Variants in CELF4 observed in about 807,000 individuals in gnomAD.
The protein encoded by CELF4 is CUGBP Elav-like family member 4.
A neutral mutation model predicts 59.9 loss-of-function variants in CELF4; 18 were observed. The ratio of observed to expected loss-of-function variants is 0.30; its 90% confidence interval spans 0.21 to 0.45. CELF4 has a LOEUF of 0.45. CELF4 is among the 20% of genes least tolerant of loss of function. The pLI, the probability that CELF4 is intolerant of heterozygous loss-of-function variation, is 1.00. For missense variants in CELF4, 456 were observed against 689.0 expected (o/e 0.66, Z 3.79); for synonymous variants, 261 against 267.1 (o/e 0.98, Z 0.22).
chr18:37,335,261 C>T (rs951436063), intron 2 of CELF4, among the ~76,000 whole-genome samples: 8 of 152,078 alleles, frequency 5.3e-5, no homozygotes, highest in African/African-American at 1.9e-4. Flanking sequence ...CCAGGGTCTC[C>T]AGGTCACGGG....
At chr18:37,442,792 C>G (rs918997552) in intron 2 of CELF4, among the ~76,000 whole-genome samples, 2 of 152,208 alleles carry the variant, frequency 1.3e-5, no homozygotes, top group Admixed American at 6.5e-5. Flanking sequence ...AGACGTCTTA[C>G]GGAGGCGCCT....
intron 2 of CELF4, among the ~76,000 whole-genome samples, chr18:37,359,951 G>A (rs914641205): frequency 2.0e-5 from 3 of 151,944 alleles, no homozygotes; most frequent in Non-Finnish European, 4.4e-5. Flanking sequence ...CCCAGTTCAA[G>A]CAATTCCCCT....
At chr18:37,408,732 G>T (rs547230178) in intron 2 of CELF4, among the ~76,000 whole-genome samples, 1 of 152,264 alleles carries the variant, frequency 6.6e-6, no homozygotes, top group East Asian at 1.9e-4. Flanking sequence ...CTGGATTCAG[G>T]CTGGGGACAC....
Position 37,565,727 on chromosome 18 carries a change from G to T in CELF4, c.-86C>A, listed in dbSNP as rs1320719121. On this transcript the variant is annotated 5_prime_UTR_variant, in exon 1 of 13. Transcript: ENST00000420428. Reference sequence around the variant, plus strand: ...CTCGCTCGCGCTCACACACGCACACGCATACACACACTCGGGTTCTCTCCC... The same window carrying T: ...CTCGCTCGCGCTCACACACGCACACTCATACACACACTCGGGTTCTCTCCC... The T allele has an allele frequency of 2.6e-5, 29 of 1,125,956 alleles. No individual in the cohort carries two copies. Among genetic ancestry groups the T allele is most frequent in the Middle Eastern group, 5.2e-4 (2 of 3,838 alleles). The allele number at this position is 1,125,956 out of a possible 1,614,324, so 69.7% of individuals were successfully genotyped here. A position where few individuals can be genotyped will look rare whatever the true frequency, so the allele number is the denominator to read the frequency against.
chr18:37,468,168 T>G (rs944585695), intron 2 of CELF4, among the ~76,000 whole-genome samples: 9 of 152,350 alleles, frequency 5.9e-5, no homozygotes, highest in Non-Finnish European at 1.3e-4. Context: ...ACTCGGGCTG[T>G]CAGGGGGCCT....
chr18:37,381,995 G>A (rs1365832161), intron 2 of CELF4, among the ~76,000 whole-genome samples: 7 of 152,212 alleles, frequency 4.6e-5, no homozygotes, highest in Admixed American at 3.3e-4. Flanking sequence ...GGACTGGGAA[G>A]GTGGCCTGAA....
At chr18:37,250,538 G>A (rs972872734) in intron 12 of CELF4, among the ~76,000 whole-genome samples, 1 of 152,210 alleles carries the variant, frequency 6.6e-6, no homozygotes, top group African/African-American at 2.4e-5. Flanking sequence ...TCCCAGCTAT[G>A]GCTGGTCCCT....
rs538566760 is a variant in CELF4 at position 37,421,647 on chromosome 18, C to G, written c.369+63878G>C. Among the ~76,000 whole-genome samples the G allele has an allele frequency of 3.3e-5, 5 of 152,382 alleles. 1 individual carries two copies. Among genetic ancestry groups the G allele is most frequent in the African/African-American group, 1.2e-4 (5 of 41,596 alleles). On this transcript the variant is annotated intron_variant, in intron 2 of 12. Transcript: ENST00000420428. ...CTTTGGGGTACCTGTGGCCTGAGCA[C>G]ACAGTGGGGGCTCATGGGAGCCCAC...
intron 3 of CELF4, among the ~76,000 whole-genome samples, chr18:37,306,934 A>G (rs2096441030): frequency 6.6e-6 from 1 of 152,188 alleles, no homozygotes; most frequent in African/African-American, 2.4e-5. Context: ...GCATCGCTTC[A>G]TTTCTCAAAT....
chr18:37,559,974 T>C (rs1314817051), intron 1 of CELF4, among the ~76,000 whole-genome samples: 1 of 152,202 alleles, frequency 6.6e-6, no homozygotes, highest in Non-Finnish European at 1.5e-5. Context: ...CTTTGCGTTG[T>C]TTTATGGCTA....
chr18:37,473,076 C>G (rs539400284), intron 2 of CELF4, among the ~76,000 whole-genome samples: 1 of 152,258 alleles, frequency 6.6e-6, no homozygotes, highest in East Asian at 1.9e-4. Context: ...CTGGCAGAGG[C>G]TATGAGGGAG....
At chr18:37,435,015 T>C (rs950593606) in intron 2 of CELF4, among the ~76,000 whole-genome samples, 4 of 152,062 alleles carry the variant, frequency 2.6e-5, no homozygotes, top group Admixed American at 6.5e-5. Flanking sequence ...GAGGGGGGGA[T>C]CCAGGGGATG....
chr18:37,408,474 T>TTTC lies in CELF4; in HGVS notation c.369+77050_369+77051insGAA, dbSNP rs1557416084. Among the ~76,000 whole-genome samples the TTTC allele has an allele frequency of 2.3e-4, 26 of 111,608 alleles. 1 individual carries two copies. The highest frequency in any genetic ancestry group is 7.8e-4 in the Admixed American group (7 of 9,028). 73.2% of individuals were successfully genotyped at this position (111,608 alleles called of 152,430 possible). A position where few individuals can be genotyped will look rare whatever the true frequency, so the allele number is the denominator to read the frequency against. On this transcript the variant is annotated intron_variant, in intron 2 of 12. Coordinates refer to ENST00000420428, the MANE Select transcript of CELF4 (RefSeq NM_020180.4). ...AATCAAGAAGGTTTTTTTTTTTTTT[T>TTTC]CCCCCTTTGGTTGGTGCCGGGGGGG... is the stretch of plus-strand genomic sequence containing the variant.
intron 2 of CELF4, among the ~76,000 whole-genome samples, chr18:37,463,498 G>T (rs1224046273): frequency 6.6e-6 from 1 of 152,186 alleles, no homozygotes; most frequent in East Asian, 1.9e-4. Flanking sequence ...GTATCTCAAG[G>T]CCTAGAGAGA....
At chr18:37,271,254 CTTTTTTTTTTTT>C (rs34833771) in intron 7 of CELF4, among the ~76,000 whole-genome samples, 4 of 105,558 alleles carry the variant, frequency 3.8e-5, no homozygotes, top group Admixed American at 3.1e-4. Context: ...TCCTTCAGTC[CTTTTTTTTTTTT>C]TTTTTTTTTT....
intron 2 of CELF4, among the ~76,000 whole-genome samples, chr18:37,331,393 C>G (rs772889592): frequency 1.3e-5 from 2 of 152,292 alleles, no homozygotes; most frequent in East Asian, 1.9e-4. Flanking sequence ...TTCCAGTCAT[C>G]GCCTCTGGAC....
intron 2 of CELF4, among the ~76,000 whole-genome samples, chr18:37,383,884 G>T (rs1038554421): frequency 6.6e-6 from 1 of 152,154 alleles, no homozygotes; most frequent in Non-Finnish European, 1.5e-5. Flanking sequence ...GACCCTCAGC[G>T]ATTGGAAAAG....
At chr18:37,415,991 G>T (rs1434601596) in intron 2 of CELF4, among the ~76,000 whole-genome samples, 2 of 152,166 alleles carry the variant, frequency 1.3e-5, no homozygotes, top group Non-Finnish European at 2.9e-5. Context: ...GAGGAGGAAG[G>T]GTCAGATTTA....
intron 1 of CELF4, among the ~76,000 whole-genome samples, chr18:37,537,611 G>A (rs1269398339): frequency 6.6e-6 from 1 of 152,222 alleles, no homozygotes; most frequent in Non-Finnish European, 1.5e-5. Context: ...AACTCCACAT[G>A]TGAGCCTGAC....
Sources: allele counts gnomAD v4.1 joint callset (sites outside exome capture counted in the v4.1 genomes callset), GRCh38; gene constraint gnomAD v4.1.1; transcripts MANE v1.5; gene names NCBI Gene and HGNC (gene_info 2026-07-23, HGNC 2026-07-21).